The following RPE variants were observed in gnomAD, a reference collection of about 807,000 sequenced individuals.
RPE encodes ribulose-phosphate 3-epimerase.
A neutral mutation model predicts 24.6 loss-of-function variants in RPE; 16 were observed. The observed-to-expected ratio is 0.65, with a 90% CI of 0.44 to 0.99. The LOEUF (loss-of-function observed/expected upper bound fraction) is 0.99, where lower values mean the gene tolerates loss of function less well. RPE is among the 50% of genes least tolerant of loss of function. The probability of loss-of-function intolerance (pLI) is 0.00; values close to 1 mark genes in which losing one functional copy is unlikely to be tolerated. For synonymous variants in RPE, 93 were observed against 98.4 expected (o/e 0.94, Z 0.33); for missense variants, 240 against 294.5 (o/e 0.81, Z 1.35).
chr2:210,017,735 T>A (rs888580135), intron 5 of RPE, 176 bp downstream of exon 5: 24 of 409,574 alleles, frequency 5.9e-5, no homozygotes, highest in Middle Eastern at 5.3e-4. Context: ...TGGATATGCT[T>A]TTTTTTTTTT....
At chr2:210,019,613 T>A in intron 5 of RPE, 56 bp from the exon 6 acceptor site, 1 of 1,588,764 alleles carries the variant, frequency 6.3e-7, no homozygotes, top group Non-Finnish European at 8.6e-7. Flanking sequence ...GGAATTCTGT[T>A]TTAGGTTTTT....
At chr2:210,004,852 T>C (rs547146528) in intron 1 of RPE, among the ~76,000 whole-genome samples, 1 of 152,302 alleles carries the variant, frequency 6.6e-6, no homozygotes, top group African/African-American at 2.4e-5. Context: ...AGGCAAAGTA[T>C]TTACCATGGA....
Position 210,020,000 on chromosome 2 carries a change from TAGTG to T in RPE, c.*213_*216del, listed in dbSNP as rs1176509681. 1.5e-5 allele frequency: 7 copies of T among 481,910 alleles called. No individual in the cohort carries two copies. The highest frequency in any genetic ancestry group is 6.1e-4 in the Middle Eastern group (1 of 1,636). 29.9% of individuals were successfully genotyped at this position (481,910 alleles called of 1,614,324 possible). A position where few individuals can be genotyped will look rare whatever the true frequency, so the allele number is the denominator to read the frequency against. ...ATTTTTAGTGATGCAATTTATTGAT[TAGTG>T]AGTAAGATACTGTTTTTATTGAGAG... On this transcript the variant is annotated 3_prime_UTR_variant, in exon 6 of 6. Coordinates refer to ENST00000359429, the MANE Select transcript of RPE (RefSeq NM_199229.3).
rs2093861887 is a variant in RPE, at chr2:210,021,873, A to AAT, written c.*2083_*2084dup. 1 of 151,536 alleles carries AAT rather than the reference A, an allele frequency of 6.6e-6. No homozygotes were observed. Among genetic ancestry groups the AAT allele is most frequent in the East Asian group, 1.9e-4 (1 of 5,188 alleles). 9.4% of individuals were successfully genotyped at this position (151,536 alleles called of 1,614,324 possible). ...TGTTCTTTGAAAAATTTTAATTTCC[A>AAT]ATCTAGGATGCAAGCAAGAATATAT... On this transcript the variant is annotated 3_prime_UTR_variant, in exon 6 of 6. Transcript: ENST00000359429.
At chr2:210,008,521 C>T (rs1250539456) in intron 1 of RPE, among the ~76,000 whole-genome samples, 1 of 151,444 alleles carries the variant, frequency 6.6e-6, no homozygotes, top group African/African-American at 2.4e-5. Context: ...GTCTTGAACA[C>T]CTGCCCTTGT....
chr2:210,011,296 C>T (rs1314791339), intron 2 of RPE, among the ~76,000 whole-genome samples: 1 of 152,196 alleles, frequency 6.6e-6, no homozygotes. Flanking sequence ...CGGTTGTTCT[C>T]ATGACCATGA....
intron 1 of RPE, among the ~76,000 whole-genome samples, chr2:210,005,436 A>G (rs2093617442): frequency 6.6e-6 from 1 of 152,180 alleles, no homozygotes; most frequent in Admixed American, 6.5e-5. Flanking sequence ...ATGACTGGAT[A>G]TGTGAAACAA....
At chr2:210,005,518 A>G (rs1362703962) in intron 1 of RPE, among the ~76,000 whole-genome samples, 8 of 152,196 alleles carry the variant, frequency 5.3e-5, no homozygotes, top group South Asian at 2.1e-4. Context: ...GACAGTGACT[A>G]GAATGTGTTC....
intron 4 of RPE, among the ~76,000 whole-genome samples, chr2:210,017,158 C>G (rs2093783952): frequency 6.6e-6 from 1 of 152,118 alleles, no homozygotes; most frequent in Non-Finnish European, 1.5e-5. Context: ...TTGAAATTTC[C>G]TTTTGAAACT....
At chr2:210,008,102 A>G (rs990884715) in intron 1 of RPE, among the ~76,000 whole-genome samples, 11 of 152,170 alleles carry the variant, frequency 7.2e-5, no homozygotes, top group Non-Finnish European at 1.5e-4. Flanking sequence ...GGAACTGGGA[A>G]TGAAAAGGTT....
chr2:210,003,604 T>G (rs575825126), intron 1 of RPE: 38 of 416,450 alleles, frequency 9.1e-5, no homozygotes, highest in African/African-American at 7.1e-4. Flanking sequence ...TACAGAAGAT[T>G]GTGACAGACT....
chr2:210,014,919 C>A (rs2093749716), intron 2 of RPE, among the ~76,000 whole-genome samples: 1 of 152,184 alleles, frequency 6.6e-6, no homozygotes, highest in African/African-American at 2.4e-5. Flanking sequence ...TTGTTTTAAG[C>A]TGCCCTCTCC....
intron 4 of RPE, 87 bp from the exon 5 acceptor site, chr2:210,017,385 TG>T: frequency 9.7e-7 from 1 of 1,034,348 alleles, no homozygotes; most frequent in South Asian, 1.4e-5. Flanking sequence ...TATTTGCTGT[TG>T]GATTTTTTTG....
At chr2:210,014,449 C>T (rs1434226181) in intron 2 of RPE, among the ~76,000 whole-genome samples, 1 of 152,082 alleles carries the variant, frequency 6.6e-6, no homozygotes. Context: ...GAATAAGAAA[C>T]ACCAGATTTA....
At chr2:210,015,910 T>G in intron 2 of RPE, 63 bp from the exon 3 acceptor site, 1 of 1,578,472 alleles carries the variant, frequency 6.3e-7, no homozygotes, top group Non-Finnish European at 8.6e-7. Context: ...ACATACAGGT[T>G]GGCTTCCAAT....
intron 1 of RPE, among the ~76,000 whole-genome samples, chr2:210,008,931 A>G (rs1575302016): frequency 6.6e-6 from 1 of 152,220 alleles, no homozygotes; most frequent in East Asian, 1.9e-4. Context: ...CCTGACCTCA[A>G]GTGATCTGCC....
At chr2:210,007,701 G>A (rs528982850) in intron 1 of RPE, among the ~76,000 whole-genome samples, 2 of 152,058 alleles carry the variant, frequency 1.3e-5, no homozygotes, top group African/African-American at 2.4e-5. Context: ...CTTTCTTAAC[G>A]TTCTCTAATA....
intron 5 of RPE, chr2:210,017,955 G>C: frequency 1.7e-6 from 1 of 576,900 alleles, no homozygotes; most frequent in Non-Finnish European, 3.0e-6. Context: ...ATGTTGGCCA[G>C]GCTGGTCTCA....
At chr2:210,008,486 G>C (rs1360714246) in intron 1 of RPE, among the ~76,000 whole-genome samples, 4 of 151,800 alleles carry the variant, frequency 2.6e-5, no homozygotes, top group Admixed American at 2.6e-4. Context: ...AGTAGAGACG[G>C]AGTTTCACCA....
Sources: allele counts gnomAD v4.1 joint callset (sites outside exome capture counted in the v4.1 genomes callset), GRCh38; gene constraint gnomAD v4.1.1; transcripts MANE v1.5; gene names NCBI Gene and HGNC (gene_info 2026-07-23, HGNC 2026-07-21).